CD226: variants seen among roughly 807,000 people sequenced by gnomAD.
CD226 encodes the protein CD226 antigen.
CD226 carries 24 observed loss-of-function variants against 34.9 expected under a neutral mutation model. The ratio of observed to expected loss-of-function variants is 0.69; its 90% CI spans 0.50 to 0.97. CD226 has a LOEUF of 0.97. Ranked by LOEUF, CD226 falls within the 50% of genes least tolerant of loss-of-function variation. The pLI is 0.00. For synonymous variants in CD226, 148 were observed against 147.4 expected, an observed-to-expected ratio of 1.00 and a Z score of -0.03; for missense variants, 397 against 412.7, an observed-to-expected ratio of 0.96 and a Z score of 0.33.
upstream of CD226, among the ~76,000 whole-genome samples, chr18:69,957,350 C>T (rs201855991): frequency 1.3e-5 from 2 of 149,464 alleles, no homozygotes; most frequent in Non-Finnish European, 3.0e-5. Context: ...TCTAGATACT[C>T]TTTTTTTTTT....
chr18:69,921,235 C>A (rs2055446992), intron 2 of CD226, among the ~76,000 whole-genome samples: 1 of 152,106 alleles, frequency 6.6e-6, no homozygotes, highest in Admixed American at 6.5e-5. Flanking sequence ...CCATGCCCCA[C>A]AATCACCACC....
intron 4 of CD226, among the ~76,000 whole-genome samples, chr18:69,868,430 A>G (rs1364377604): frequency 2.6e-5 from 4 of 152,120 alleles, no homozygotes. Context: ...ATTGACTCCA[A>G]TTGTCTCTTC....
At chr18:69,955,525 C>T (rs1431168585) in intron 1 of CD226, among the ~76,000 whole-genome samples, 6 of 152,122 alleles carry the variant, frequency 3.9e-5, no homozygotes, top group African/African-American at 1.4e-4. Flanking sequence ...GGTTTGCCTG[C>T]CTTCTGCTGG....
chr18:69,905,403 A>G (rs2055240345), intron 2 of CD226, among the ~76,000 whole-genome samples: 1 of 152,224 alleles, frequency 6.6e-6, no homozygotes, highest in Non-Finnish European at 1.5e-5. Context: ...TTTTCCAAGT[A>G]GAAAGCAAGG....
intron 2 of CD226, among the ~76,000 whole-genome samples, chr18:69,925,495 C>T (rs1409663332): frequency 6.6e-6 from 1 of 151,940 alleles, no homozygotes; most frequent in African/African-American, 2.4e-5. Context: ...ACCATATTCC[C>T]CTCTCCAAAC....
At chr18:69,959,057 G>A (rs2055917587), upstream of CD226, among the ~76,000 whole-genome samples, 1 of 152,090 alleles carries the variant, frequency 6.6e-6, no homozygotes, top group Non-Finnish European at 1.5e-5. Context: ...AGAAACACAG[G>A]CATCCCAGTA....
chr18:69,902,320 G>C (rs190789929), intron 2 of CD226, among the ~76,000 whole-genome samples: 1 of 152,026 alleles, frequency 6.6e-6, no homozygotes. Context: ...TCCAGGAGTG[G>C]GTTCCCATCC....
chr18:69,892,677 G>C (rs1984975475), intron 3 of CD226, among the ~76,000 whole-genome samples: 1 of 152,116 alleles, frequency 6.6e-6, no homozygotes, highest in South Asian at 2.1e-4. Context: ...GTTGGCAGGG[G>C]TCCTCTGTTG....
intron 3 of CD226, among the ~76,000 whole-genome samples, chr18:69,883,680 A>T (rs1047263669): frequency 6.6e-6 from 1 of 152,272 alleles, no homozygotes; most frequent in Admixed American, 6.5e-5. Context: ...ACATGTCATT[A>T]CTTATTGCCT....
chr18:69,938,916 A>C (rs928477784), intron 2 of CD226, among the ~76,000 whole-genome samples: 3 of 152,088 alleles, frequency 2.0e-5, no homozygotes. Context: ...CAAAACCCCC[A>C]TCTCTACAAA....
chr18:69,921,610 G>T (rs1439487098), intron 2 of CD226, among the ~76,000 whole-genome samples: 1 of 152,142 alleles, frequency 6.6e-6, no homozygotes, highest in Non-Finnish European at 1.5e-5. Context: ...CATCACACCT[G>T]CCCTGTGGGA....
upstream of CD226, among the ~76,000 whole-genome samples, chr18:69,957,460 T>A (rs1323220445): frequency 1.3e-5 from 2 of 151,984 alleles, no homozygotes; most frequent in African/African-American, 4.8e-5. Context: ...AAACACTAGG[T>A]TTTTTGCTGC....
At chr18:69,943,094 C>T (rs2055745934) in intron 2 of CD226, among the ~76,000 whole-genome samples, 1 of 152,154 alleles carries the variant, frequency 6.6e-6, no homozygotes, top group Non-Finnish European at 1.5e-5. Flanking sequence ...AGTCTACCAC[C>T]CTGAACCTCA....
intron 2 of CD226, among the ~76,000 whole-genome samples, chr18:69,901,843 C>T (rs2849474): frequency 0.85 from 127,730 of 149,982 alleles, 54,742 homozygotes; most frequent in East Asian, 0.96. Context: ...CGCACCACTG[C>T]ACTCCAGCCT....
chr18:69,865,836 G>A (rs1301046510), intron 5 of CD226, among the ~76,000 whole-genome samples: 2 of 152,182 alleles, frequency 1.3e-5, no homozygotes, highest in African/African-American at 4.8e-5. Flanking sequence ...GAATTCCACT[G>A]CGAATAGTTA....
chr18:69,940,624 C>A (rs1414515860), intron 2 of CD226, among the ~76,000 whole-genome samples: 1 of 152,100 alleles, frequency 6.6e-6, no homozygotes, highest in Admixed American at 6.6e-5. Context: ...CCCCAGAGAT[C>A]TGTGGAACTT....
chr18:69,903,100 C>A (rs1339372651), intron 2 of CD226, among the ~76,000 whole-genome samples: 1 of 152,140 alleles, frequency 6.6e-6, no homozygotes, highest in Non-Finnish European at 1.5e-5. Context: ...GGAAAAATGG[C>A]ACTTTTGAAG....
At chr18:69,950,399 A>G (rs923817614), upstream of CD226, among the ~76,000 whole-genome samples, 1 of 152,216 alleles carries the variant, frequency 6.6e-6, no homozygotes, top group Admixed American at 6.5e-5. Flanking sequence ...CAGACATCAG[A>G]CGAACATACA....
At chr18:69,943,487 A>G (rs1018798648) in intron 2 of CD226, among the ~76,000 whole-genome samples, 3 of 152,210 alleles carry the variant, frequency 2.0e-5, no homozygotes, top group Non-Finnish European at 4.4e-5. Context: ...CCTGTTCTGG[A>G]AAGAACACAT....
Sources: gnomAD v4.1 joint callset for allele counts (sites outside exome capture counted in the v4.1 genomes callset) on GRCh38, gnomAD v4.1.1 for gene constraint, MANE v1.5 for transcripts, NCBI Gene and HGNC (gene_info 2026-07-23, HGNC 2026-07-21) for gene names.